The following KCNAB1 variants were observed in gnomAD, a reference collection of about 807,000 sequenced individuals.
KCNAB1 encodes voltage-gated potassium channel subunit beta-1.
Under a neutral mutation model 64.6 loss-of-function variants are expected in KCNAB1, and 35 were observed. That is an observed-to-expected ratio of 0.54 (90% CI 0.41 to 0.72). The LOEUF is 0.72. Ranked by LOEUF, KCNAB1 falls within the 30% of genes least tolerant of loss-of-function variation. KCNAB1 has a pLI of 0.00. For synonymous variants in KCNAB1, 177 were observed against 183.8 expected, an observed-to-expected ratio of 0.96 and a Z score of 0.30; for missense variants, 401 against 512.9, an observed-to-expected ratio of 0.78 and a Z score of 2.11.
chr3:156,333,457 T>C (rs1201474418), intron 1 of KCNAB1, among the ~76,000 whole-genome samples: 2 of 152,124 alleles, frequency 1.3e-5, no homozygotes, highest in Admixed American at 6.6e-5. Flanking sequence ...TCTAGTCATA[T>C]CAGTATGTAT....
At chr3:156,466,043 G>A (rs930423949) in intron 7 of KCNAB1, among the ~76,000 whole-genome samples, 2 of 151,946 alleles carry the variant, frequency 1.3e-5, no homozygotes, top group African/African-American at 2.4e-5. Context: ...GTATAATTAC[G>A]GAGTTGTACA....
intron 2 of KCNAB1, among the ~76,000 whole-genome samples, chr3:156,436,743 G>T (rs2108252839): frequency 6.6e-6 from 1 of 152,220 alleles, no homozygotes; most frequent in African/African-American, 2.4e-5. Context: ...CATGTCCTTT[G>T]CCCACTTTTT....
At chr3:156,478,789 A>G (rs1172063092) in intron 8 of KCNAB1, among the ~76,000 whole-genome samples, 2 of 152,142 alleles carry the variant, frequency 1.3e-5, no homozygotes, top group Admixed American at 6.6e-5. Flanking sequence ...AAAAAGATTA[A>G]CTGCAGCATC....
chr3:156,312,012 T>G (rs1490962469), intron 1 of KCNAB1, among the ~76,000 whole-genome samples: 1 of 152,246 alleles, frequency 6.6e-6, no homozygotes, highest in Admixed American at 6.5e-5. Context: ...ATTTTGTTTA[T>G]GTTACTTTTC....
chr3:156,276,185 A>C (rs1429231044), intron 1 of KCNAB1, among the ~76,000 whole-genome samples: 5 of 152,188 alleles, frequency 3.3e-5, no homozygotes, highest in Admixed American at 3.3e-4. Flanking sequence ...GACCAGGTGC[A>C]TTGTCAATGA....
intron 1 of KCNAB1, among the ~76,000 whole-genome samples, chr3:156,393,574 C>T (rs1026394748): frequency 3.9e-5 from 6 of 152,156 alleles, no homozygotes; most frequent in Non-Finnish European, 4.4e-5. Context: ...GTCTGACAAC[C>T]TATAGGGCAG....
intron 1 of KCNAB1, among the ~76,000 whole-genome samples, chr3:156,276,361 A>G (rs1462686474): frequency 6.6e-6 from 1 of 152,108 alleles, no homozygotes. Flanking sequence ...TAAGGACCCT[A>G]GGGTTTTGGG....
At chr3:156,177,226 G>A (rs1478927614) in intron 1 of KCNAB1, among the ~76,000 whole-genome samples, 1 of 152,172 alleles carries the variant, frequency 6.6e-6, no homozygotes, top group Non-Finnish European at 1.5e-5. Flanking sequence ...TTCTTATAGA[G>A]TGGGGCTCAT....
At chr3:156,342,609 A>ATTTTTTTTTTTTTTTT (rs59689669) in intron 1 of KCNAB1, among the ~76,000 whole-genome samples, 5 of 104,692 alleles carry the variant, frequency 4.8e-5, no homozygotes, top group East Asian at 2.9e-4. Context: ...TTTTTTTTTA[A>ATTTTTTTTTTTTTTTT]TTTTTTTTTT....
chr3:156,165,999 A>C (rs76248845), intron 1 of KCNAB1, among the ~76,000 whole-genome samples: 2,913 of 152,222 alleles, frequency 0.019, 48 homozygotes, highest in South Asian at 0.032. Flanking sequence ...GATGTTGGGA[A>C]CTGGGGTGTG....
At position 156,452,904 on chromosome 3, in the gene KCNAB1, T is replaced by C; in HGVS notation, c.325T>C (p.Trp109Arg). ...AAATATTTATTATTTTCTAGGAACA[T>C]GGGTGACATTTGGAGGTCAAATTTC... ...LRVSCLGLGT[W>R]VTFGGQISDE... Residue 109 changes from tryptophan (W) to arginine (R), a missense_variant, in exon 3 of 14, where the codon TGG becomes CGG. Trp to Arg is a moderately radical substitution (Grantham distance 101). Transcript: ENST00000490337. This position sits in a 1 kb window ranked among gnomAD's most constrained non-coding sequence, Gnocchi z 4.6. 2 of 1,600,872 alleles carry C rather than the reference T, an allele frequency of 1.2e-6. No homozygotes were observed. The highest frequency in any genetic ancestry group is 2.2e-5 in the East Asian group (1 of 44,694).
At chr3:156,342,769 A>G (rs1437121697) in intron 1 of KCNAB1, among the ~76,000 whole-genome samples, 1 of 151,932 alleles carries the variant, frequency 6.6e-6, no homozygotes, top group African/African-American at 2.4e-5. Context: ...TGTGTTTCTA[A>G]TGAATTACCA....
chr3:156,237,299 AT>A (rs903759552), intron 1 of KCNAB1, among the ~76,000 whole-genome samples: 1 of 152,262 alleles, frequency 6.6e-6, no homozygotes, highest in Non-Finnish European at 1.5e-5. Context: ...TAAAATTGCC[AT>A]TTTTTTCTTT....
chr3:156,371,605 T>C (rs1248650628), intron 1 of KCNAB1, among the ~76,000 whole-genome samples: 1 of 152,122 alleles, frequency 6.6e-6, no homozygotes, highest in African/African-American at 2.4e-5. Context: ...AAATGCAATC[T>C]TAAAGGAGGG....
chr3:156,144,871 C>T (rs934354158), intron 1 of KCNAB1, among the ~76,000 whole-genome samples: 1 of 152,170 alleles, frequency 6.6e-6, no homozygotes, highest in Non-Finnish European at 1.5e-5. Flanking sequence ...AATTACAGAT[C>T]TGTGCTGTGT....
chr3:156,306,148 A>C (rs73876148), intron 1 of KCNAB1, among the ~76,000 whole-genome samples: 24,966 of 152,062 alleles, frequency 0.16, 5,640 homozygotes, highest in African/African-American at 0.52. Flanking sequence ...GATCAATTAA[A>C]AAAAGTGATG....
intron 1 of KCNAB1, among the ~76,000 whole-genome samples, chr3:156,346,358 A>G (rs1335577485): frequency 6.6e-6 from 1 of 152,182 alleles, no homozygotes; most frequent in Non-Finnish European, 1.5e-5. Flanking sequence ...AGGAAAGAAC[A>G]TAATTTGTAT....
At chr3:156,435,656 A>G (rs1716536519) in intron 2 of KCNAB1, among the ~76,000 whole-genome samples, 3 of 152,216 alleles carry the variant, frequency 2.0e-5, no homozygotes. Flanking sequence ...CAGACATTAG[A>G]CAGAAGAGAA....
chr3:156,379,730 A>G (rs1388311316), intron 1 of KCNAB1, among the ~76,000 whole-genome samples: 2 of 152,180 alleles, frequency 1.3e-5, no homozygotes, highest in East Asian at 3.9e-4. Context: ...GGTTTTGAGC[A>G]AAGCAGTGAT....
Sources: allele counts gnomAD v4.1 joint callset (sites outside exome capture counted in the v4.1 genomes callset), GRCh38; gene constraint gnomAD v4.1.1; non-coding constraint Gnocchi (gnomAD v3.1); transcripts MANE v1.5; gene names NCBI Gene and HGNC (gene_info 2026-07-23, HGNC 2026-07-21).